Variants in ATE1 observed in about 807,000 individuals in gnomAD.
The protein encoded by ATE1 is arginyl-tRNA--protein transferase 1.
A neutral mutation model predicts 70.5 loss-of-function variants in ATE1; 36 were observed. That is an observed-to-expected ratio of 0.51 (90% CI 0.39 to 0.67). ATE1 has a LOEUF of 0.67. Ranked by LOEUF, ATE1 falls within the 30% of genes least tolerant of loss-of-function variation. The probability of loss-of-function intolerance (pLI) is 0.00; values close to 1 mark genes in which losing one functional copy is unlikely to be tolerated. For synonymous variants in ATE1, 232 were observed against 219.3 expected (o/e 1.06, Z -0.51); for missense variants, 593 against 629.5 (o/e 0.94, Z 0.62).
chr10:121,853,435 C>G (rs1008828423), intron 8 of ATE1, among the ~76,000 whole-genome samples: 6 of 149,208 alleles, frequency 4.0e-5, no homozygotes, highest in Non-Finnish European at 8.9e-5. Context: ...GCTCCATAAT[C>G]AGAAACTTTT....
chr10:121,836,681 T>C (rs1367663171), intron 10 of ATE1, 37 bp downstream of exon 10: 1 of 1,316,072 alleles, frequency 7.6e-7, no homozygotes, highest in Non-Finnish European at 1.1e-6. Context: ...TTCATTTTTC[T>C]ATAATAAAAA....
intron 11 of ATE1, among the ~76,000 whole-genome samples, chr10:121,774,175 T>A (rs10749428): frequency 0.24 from 36,170 of 152,166 alleles, 5,049 homozygotes; most frequent in Non-Finnish European, 0.32. Context: ...AATGGATTCT[T>A]GAACAGGATG....
At position 121,907,335 on chromosome 10, in the gene ATE1, C is replaced by A. The variant is rs138438449; in HGVS notation, c.583+3571G>T. 2.7e-3 allele frequency among the ~76,000 whole-genome samples: 404 copies of A among 151,970 alleles called. 3 individuals carry two copies. Among genetic ancestry groups the A allele is most frequent in the African/African-American group, 9.4e-3 (390 of 41,476 alleles). On this transcript the variant is annotated intron_variant, in intron 5 of 11. Coordinates refer to ENST00000224652, the MANE Select transcript of ATE1 (RefSeq NM_001001976.3). ...CAAAAATTAGCCAGGTGTGGTGGTG[C>A]ACACCTGTAGTCCCAGCTACTCATG... is the stretch of plus-strand genomic sequence containing the variant.
intron 8 of ATE1, among the ~76,000 whole-genome samples, chr10:121,861,743 G>A (rs1368198331): frequency 3.5e-4 from 20 of 57,184 alleles, no homozygotes; most frequent in Non-Finnish European, 5.6e-4. Context: ...AAAACTTAAA[G>A]TATAATAAAA....
intron 7 of ATE1, among the ~76,000 whole-genome samples, chr10:121,877,492 G>T (rs1950091722): frequency 6.6e-6 from 1 of 151,766 alleles, no homozygotes; most frequent in Non-Finnish European, 1.5e-5. Context: ...GTTGGAAAAA[G>T]ATATTTAGAA....
rs577942790 is a variant in ATE1 at position 121,776,440 on chromosome 10, T to C, written c.1378+13729A>G. ...AATAAGATGATACATGATAACCCTTTAGCAAAATGCTCTGACCAATACATA... is the reference window on the plus strand; with the variant it reads ...AATAAGATGATACATGATAACCCTTCAGCAAAATGCTCTGACCAATACATA... On this transcript the variant is annotated intron_variant, in intron 11 of 11. Transcript: ENST00000224652. Among the ~76,000 whole-genome samples the C allele has an allele frequency of 3.3e-5, 5 of 152,288 alleles. No homozygotes were observed. The East Asian group carries it at 7.7e-4, about 23-fold the overall frequency.
At chr10:121,787,683 A>G (rs1946268676) in intron 11 of ATE1, among the ~76,000 whole-genome samples, 1 of 152,244 alleles carries the variant, frequency 6.6e-6, no homozygotes, top group African/African-American at 2.4e-5. Flanking sequence ...TTACAGGAAA[A>G]GAACATACAA....
At chr10:121,852,497 G>C (rs1439647021) in intron 8 of ATE1, among the ~76,000 whole-genome samples, 1 of 152,002 alleles carries the variant, frequency 6.6e-6, no homozygotes, top group Non-Finnish European at 1.5e-5. Context: ...GCTCACTTGA[G>C]GTCAGGAGTT....
chr10:121,920,948 C>T (rs1208452316), intron 3 of ATE1, among the ~76,000 whole-genome samples: 5 of 151,194 alleles, frequency 3.3e-5, no homozygotes, highest in African/African-American at 9.7e-5. Context: ...GAGCCGAGAT[C>T]GCGCCATTGC....
chr10:121,826,594 C>T (rs906205320), intron 10 of ATE1, among the ~76,000 whole-genome samples: 1 of 152,102 alleles, frequency 6.6e-6, no homozygotes, highest in South Asian at 2.1e-4. Context: ...CATGAGCCAC[C>T]GCACCTAGCA....
chr10:121,776,981 G>C (rs1351162260), intron 11 of ATE1, among the ~76,000 whole-genome samples: 1 of 152,172 alleles, frequency 6.6e-6, no homozygotes, highest in East Asian at 1.9e-4. Flanking sequence ...GGGTGTTCTG[G>C]AATCATACAT....
intron 11 of ATE1, among the ~76,000 whole-genome samples, chr10:121,768,732 C>T (rs1238307646): frequency 6.6e-6 from 1 of 152,138 alleles, no homozygotes; most frequent in Non-Finnish European, 1.5e-5. Context: ...TAATAAAATG[C>T]CCAACCTTCT....
rs1264537827 is a variant in ATE1, at chr10:121,927,565, A to C, written c.106+279T>G. 5.1e-6 allele frequency: 5 copies of C among 982,824 alleles called. No homozygotes were observed. In the East Asian group the frequency reaches 3.4e-4, roughly 67 times the overall value. The allele number at this position is 982,824 out of a possible 1,614,324, so 60.9% of individuals were successfully genotyped here. ...TCCCTGGCACTGCGCGCCGTCCTTC[A>C]CCTCACACAATCTACCCCAGACGGG... On this transcript the variant is annotated intron_variant, in intron 1 of 11. Transcript: ENST00000224652.
At chr10:121,837,524 A>C (rs761441943) in intron 9 of ATE1, among the ~76,000 whole-genome samples, 1 of 152,212 alleles carries the variant, frequency 6.6e-6, no homozygotes, top group Non-Finnish European at 1.5e-5. Flanking sequence ...AGTGCTTAGT[A>C]AAACTTCAGT....
In ATE1 at chr10:121,745,738, A is replaced by AC. The variant is rs990022003; in HGVS notation, c.1379-1881_1379-1880insG. Among the ~76,000 whole-genome samples, 425 of 150,862 alleles carry AC rather than the reference A, an allele frequency of 2.8e-3. 1 individual carries two copies. The highest frequency in any genetic ancestry group is 5.8e-3 in the Admixed American group (88 of 15,158). ...CAAGACTCTGTCTCAAAACAAACAA[A>AC]AAAAAGAACCACTGTCCTAGAGAAA... is the stretch of plus-strand genomic sequence containing the variant. On this transcript the variant is annotated intron_variant, in intron 11 of 11. Transcript: ENST00000224652.
chr10:121,752,781 CAT>C (rs948509509), intron 11 of ATE1, among the ~76,000 whole-genome samples: 12 of 152,194 alleles, frequency 7.9e-5, no homozygotes, highest in Non-Finnish European at 1.8e-4. Flanking sequence ...GCCAGGACCA[CAT>C]AGTGTTAACT....
intron 8 of ATE1, among the ~76,000 whole-genome samples, chr10:121,859,204 A>G (rs1049881341): frequency 6.6e-6 from 1 of 152,126 alleles, no homozygotes; most frequent in African/African-American, 2.4e-5. Flanking sequence ...TTACTTCTCA[A>G]TGAGCTATCT....
At chr10:121,919,136 C>T (rs557223055) in intron 3 of ATE1, among the ~76,000 whole-genome samples, 17 of 152,252 alleles carry the variant, frequency 1.1e-4, no homozygotes, top group African/African-American at 3.9e-4. Context: ...GGGTCCCCTT[C>T]CACACTGTGG....
intron 6 of ATE1, 59 bp from the exon 7 acceptor site, chr10:121,900,053 A>T: frequency 6.3e-7 from 1 of 1,582,180 alleles, no homozygotes; most frequent in Non-Finnish European, 8.6e-7. Flanking sequence ...ATTCTGTGGA[A>T]TATGCATTAA....
Sources: allele counts gnomAD v4.1 joint callset (sites outside exome capture counted in the v4.1 genomes callset), GRCh38; gene constraint gnomAD v4.1.1; transcripts MANE v1.5; gene names NCBI Gene and HGNC (gene_info 2026-07-23, HGNC 2026-07-21).